THADA: variants seen among roughly 807,000 people sequenced by gnomAD.
The protein encoded by THADA is tRNA (32-2'-O)-methyltransferase regulator THADA.
A neutral mutation model predicts 219.8 loss-of-function variants in THADA; 213 were observed. The ratio of observed to expected loss-of-function variants is 0.97; its 90% CI spans 0.87 to 1.09. The LOEUF is 1.09. Ranked by LOEUF, THADA falls within the 50% of genes least tolerant of loss-of-function variation. THADA has a pLI of 0.00. For synonymous variants in THADA, 1,018 were observed against 828.9 expected, an observed-to-expected ratio of 1.23 and a Z score of -3.92; for missense variants, 2,956 against 2,311.3, an observed-to-expected ratio of 1.28 and a Z score of -5.72.
chr2:43,391,341 C>T (rs1673359702), intron 29 of THADA, among the ~76,000 whole-genome samples: 1 of 152,170 alleles, frequency 6.6e-6, no homozygotes, highest in Non-Finnish European at 1.5e-5. Context: ...CACTTCAAAA[C>T]AGCAGTACAT....
intron 31 of THADA, among the ~76,000 whole-genome samples, chr2:43,294,480 T>A (rs1002334664): frequency 1.4e-4 from 21 of 152,126 alleles, no homozygotes; most frequent in African/African-American, 4.6e-4. Flanking sequence ...CTACAGGCCA[T>A]CCCATAACAC....
At chr2:43,556,164 A>G in intron 17 of THADA, 181 bp downstream of exon 17, 1 of 1,278,216 alleles carries the variant, frequency 7.8e-7, no homozygotes. Context: ...CACTGTTTAG[A>G]AAAAAGTATT....
At chr2:43,366,848 A>G (rs1670210473) in intron 29 of THADA, among the ~76,000 whole-genome samples, 1 of 152,218 alleles carries the variant, frequency 6.6e-6, no homozygotes, top group South Asian at 2.1e-4. Context: ...AATGTACAGC[A>G]TTGATCATGT....
At chr2:43,524,040 G>A (rs760811982) in intron 22 of THADA, among the ~76,000 whole-genome samples, 5 of 152,126 alleles carry the variant, frequency 3.3e-5, no homozygotes, top group African/African-American at 4.8e-5. Flanking sequence ...CCAAAAAGTT[G>A]AATTTAGAGT....
chr2:43,287,324 T>C (rs1303151465), intron 34 of THADA, among the ~76,000 whole-genome samples: 1 of 152,164 alleles, frequency 6.6e-6, no homozygotes, highest in East Asian at 1.9e-4. Context: ...AGGCAAGGTC[T>C]TGCTCTGTTG....
intron 26 of THADA, among the ~76,000 whole-genome samples, chr2:43,449,390 G>C (rs1467856601): frequency 1.3e-5 from 2 of 151,646 alleles, no homozygotes; most frequent in African/African-American, 2.4e-5. Context: ...GAGAGAAAGA[G>C]GTAAAGAGAT....
chr2:43,439,747 G>C (rs958523276), intron 26 of THADA, among the ~76,000 whole-genome samples: 1 of 152,130 alleles, frequency 6.6e-6, no homozygotes, highest in Non-Finnish European at 1.5e-5. Flanking sequence ...TCCATGGTTC[G>C]AGGCATCCAC....
intron 28 of THADA, among the ~76,000 whole-genome samples, chr2:43,407,746 C>CAGGCAATGAGCT (rs6146742): frequency 6.6e-6 from 1 of 151,412 alleles, no homozygotes; most frequent in East Asian, 1.9e-4. Flanking sequence ...TGCTAGATGC[C>CAGGCAATGAGCT]AGGTACTTTA....
At chr2:43,568,046 C>G (rs1405268419) in intron 14 of THADA, among the ~76,000 whole-genome samples, 9 of 152,064 alleles carry the variant, frequency 5.9e-5, no homozygotes, top group Non-Finnish European at 2.9e-5. Context: ...GGAGAAAATA[C>G]TGAGATTTTG....
At chr2:43,325,587 G>A (rs185070468) in intron 30 of THADA, among the ~76,000 whole-genome samples, 9 of 152,068 alleles carry the variant, frequency 5.9e-5, no homozygotes, top group African/African-American at 2.2e-4. Flanking sequence ...GAAGAGGAGA[G>A]AGATGGGGGC....
At chr2:43,259,586 G>A (rs949930053) in intron 36 of THADA, among the ~76,000 whole-genome samples, 2 of 152,148 alleles carry the variant, frequency 1.3e-5, no homozygotes, top group Non-Finnish European at 2.9e-5. Context: ...AGCTGACAGT[G>A]GAATCACTCC....
At chr2:43,330,785 C>T (rs1443867089) in intron 30 of THADA, among the ~76,000 whole-genome samples, 2 of 152,230 alleles carry the variant, frequency 1.3e-5, no homozygotes, top group Non-Finnish European at 2.9e-5. Flanking sequence ...GGGCCCTTGG[C>T]AGCCCAAGGA....
chr2:43,523,233 C>T (rs1269607409), intron 22 of THADA, among the ~76,000 whole-genome samples: 1 of 151,984 alleles, frequency 6.6e-6, no homozygotes, highest in African/African-American at 2.4e-5. Flanking sequence ...GGCATGGTGG[C>T]AGACACCCGT....
intron 26 of THADA, 146 bp from the exon 27 acceptor site, chr2:43,430,448 A>G: frequency 3.5e-6 from 2 of 576,112 alleles, no homozygotes; most frequent in Non-Finnish European, 6.2e-6. Flanking sequence ...GCATCTTAAG[A>G]ATTTAACAAT....
intron 26 of THADA, among the ~76,000 whole-genome samples, chr2:43,466,854 T>C (rs549663723): frequency 2.8e-4 from 42 of 152,148 alleles, no homozygotes; most frequent in Non-Finnish European, 4.3e-4. Flanking sequence ...ATGTGAGTAA[T>C]TTTATTCTAC....
At chr2:43,594,312 G>A (rs1160566726) in intron 1 of THADA, among the ~76,000 whole-genome samples, 2 of 152,162 alleles carry the variant, frequency 1.3e-5, no homozygotes, top group Non-Finnish European at 2.9e-5. Flanking sequence ...AGGAGTGGGG[G>A]CTCGTGCCTG....
chr2:43,514,959 TATTTTATATATAATATATAAC>T lies in THADA; in HGVS notation c.3375-6200_3375-6180del, dbSNP rs1412275577. Among the ~76,000 whole-genome samples the T allele has an allele frequency of 2.3e-3, 177 of 75,930 alleles. 7 individuals are homozygous for T. The highest frequency in any genetic ancestry group is 9.3e-3 in the African/African-American group (173 of 18,614). The allele number at this position is 75,930 out of a possible 152,430, so 49.8% of individuals were successfully genotyped here. On this transcript the variant is annotated intron_variant, in intron 22 of 37. Coordinates refer to ENST00000405975, the MANE Select transcript of THADA (RefSeq NM_022065.5). ...CGTATATTTTATATATAATATATAA[TATTTTATATATAATATATAAC>T]ATTTTATATATAATATATAATATTA...
chr2:43,347,379 A>G (rs538053397), intron 29 of THADA, among the ~76,000 whole-genome samples: 5 of 152,352 alleles, frequency 3.3e-5, no homozygotes, highest in African/African-American at 1.2e-4. Flanking sequence ...CATTCCAAAA[A>G]TAAACAGTCA....
At chr2:43,449,082 A>C (rs1434243098) in intron 26 of THADA, among the ~76,000 whole-genome samples, 2 of 152,214 alleles carry the variant, frequency 1.3e-5, no homozygotes, top group Admixed American at 6.5e-5. Context: ...GGAGAAAGTC[A>C]AGAAAATGAT....
Sources: allele counts gnomAD v4.1 joint callset (sites outside exome capture counted in the v4.1 genomes callset), GRCh38; gene constraint gnomAD v4.1.1; transcripts MANE v1.5; gene names NCBI Gene and HGNC (gene_info 2026-07-23, HGNC 2026-07-21).